HDAC8: variants seen among roughly 807,000 people sequenced by gnomAD.
HDAC8 encodes the protein histone deacetylase-like 1.
In HDAC8, 1 loss-of-function variant was observed where a neutral mutation model predicts 32.2. That is an observed-to-expected ratio of 0.03 (90% CI 0.01 to 0.15). HDAC8 has a LOEUF of 0.15. HDAC8 is among the 10% of genes least tolerant of loss of function. The probability of loss-of-function intolerance (pLI) is 1.00; values close to 1 mark genes in which losing one functional copy is unlikely to be tolerated. For missense variants in HDAC8, 117 were observed against 300.0 expected, an observed-to-expected ratio of 0.39 and a Z score of 4.51; for synonymous variants, 108 against 113.9, an observed-to-expected ratio of 0.95 and a Z score of 0.33.
At chrX:72,339,797 C>T (rs958209976) in intron 10 of HDAC8, among the ~76,000 whole-genome samples, 2 of 112,216 alleles carry the variant, frequency 1.8e-5, no homozygotes, top group Non-Finnish European at 3.8e-5. Flanking sequence ...AATTGCAGTA[C>T]CAAGGGTTCC....
At chrX:72,530,449 T>G (rs1476879935) in intron 4 of HDAC8, among the ~76,000 whole-genome samples, 2 of 109,963 alleles carry the variant, frequency 1.8e-5, no homozygotes, top group Non-Finnish European at 3.8e-5. Context: ...TATGCGTTTT[T>G]TTTTTTTTTT....
At chrX:72,344,219 T>C (rs1397984185) in intron 10 of HDAC8, among the ~76,000 whole-genome samples, 1 of 111,520 alleles carries the variant, frequency 9.0e-6, no homozygotes, top group Non-Finnish European at 1.9e-5. Context: ...TTACTTTTTT[T>C]TTTCCTGACT....
intron 4 of HDAC8, among the ~76,000 whole-genome samples, chrX:72,533,899 TA>T (rs781982105): frequency 1.5e-4 from 17 of 111,283 alleles, no homozygotes; most frequent in Non-Finnish European, 3.2e-4. Context: ...GCTAATATCA[TA>T]CTGCCTGGTG....
At chrX:72,423,467 C>T (rs1049959578) in intron 9 of HDAC8, among the ~76,000 whole-genome samples, 4 of 111,919 alleles carry the variant, frequency 3.6e-5, no homozygotes, top group Non-Finnish European at 5.6e-5. Context: ...GCTCTACCAA[C>T]TTCCTTCTAG....
At chrX:72,414,821 G>A (rs782783720) in intron 9 of HDAC8, among the ~76,000 whole-genome samples, 1 of 111,150 alleles carries the variant, frequency 9.0e-6, no homozygotes, top group Non-Finnish European at 1.9e-5. Context: ...TAAGGCTGTA[G>A]GCTCAATTAT....
At chrX:72,380,960 C>G (rs2045251838) in intron 9 of HDAC8, among the ~76,000 whole-genome samples, 1 of 111,804 alleles carries the variant, frequency 8.9e-6, no homozygotes, top group South Asian at 3.8e-4. Flanking sequence ...TCAATTTGGA[C>G]TAGCCACATT....
Position 72,427,041 on chromosome X carries a change from A to G in HDAC8, c.1005+34963T>C, listed in dbSNP as rs2046660548. On this transcript the variant is annotated intron_variant, in intron 9 of 10. Transcript: ENST00000373573. ...CCTTTATCTGGTACTTCCAGTCTCC[A>G]GAATTGTGAGAAATAAATTTCTGTT... Among the ~76,000 whole-genome samples the G allele has an allele frequency of 3.6e-5, 4 of 110,713 alleles. No individual in the cohort carries two copies. The South Asian group carries it at 1.6e-3, about 45-fold the overall frequency.
intron 6 of HDAC8, chrX:72,489,413 C>G (rs1437962948): frequency 6.3e-6 from 1 of 159,262 alleles, no homozygotes; most frequent in Admixed American, 7.8e-5. Context: ...GAAAAAGAAA[C>G]AGCTTTAATG....
chrX:72,398,670 GT>G (rs2045825626), intron 9 of HDAC8, among the ~76,000 whole-genome samples: 1 of 109,957 alleles, frequency 9.1e-6, no homozygotes, highest in Non-Finnish European at 1.9e-5. Context: ...GTATATAGAA[GT>G]TTGTAGATTC....
chrX:72,453,372 G>A (rs1282154522), intron 9 of HDAC8, among the ~76,000 whole-genome samples: 1 of 108,285 alleles, frequency 9.2e-6, no homozygotes, highest in African/African-American at 3.4e-5. Flanking sequence ...TGGGAGGATC[G>A]CTTGAGCCCA....
At chrX:72,528,893 C>T (rs1478657783) in intron 4 of HDAC8, among the ~76,000 whole-genome samples, 3 of 112,286 alleles carry the variant, frequency 2.7e-5, no homozygotes, top group Non-Finnish European at 3.8e-5. Flanking sequence ...TATCCAAACC[C>T]GTTCTCTTTG....
chrX:72,528,020 C>T (rs2050211986), intron 4 of HDAC8, among the ~76,000 whole-genome samples: 1 of 110,661 alleles, frequency 9.0e-6, no homozygotes, highest in Non-Finnish European at 1.9e-5. Context: ...AGGTGATCCA[C>T]CCACCTCGGC....
chrX:72,466,984 G>C (rs2048034549), intron 7 of HDAC8: 1 of 111,852 alleles, frequency 8.9e-6, no homozygotes, highest in Admixed American at 9.5e-5. Context: ...TCTGCTGCAT[G>C]AGCCCATTCA....
intron 4 of HDAC8, among the ~76,000 whole-genome samples, chrX:72,547,458 A>G (rs1200542549): frequency 3.7e-5 from 4 of 108,611 alleles, no homozygotes; most frequent in Non-Finnish European, 7.6e-5. Context: ...AAGTAATCCC[A>G]TCCATTTTCA....
rs183502422 is a variant in HDAC8 at position 72,468,275 on chromosome X, G to A, written c.738-3544C>T. 2.5e-3 allele frequency among the ~76,000 whole-genome samples: 274 copies of A among 111,399 alleles called. 2 individuals are homozygous for A. Among genetic ancestry groups the A allele is most frequent in the Non-Finnish European group, 4.5e-3 (238 of 53,038 alleles). On this transcript the variant is annotated intron_variant, in intron 7 of 10. Transcript: ENST00000373573. ...CTCTTGCATGTAGGGTCAACGTGAC[G>A]AAGTCAACCCCACAGGGGTTGGCAA...
chrX:72,330,730 A>G (rs2043493963), intron 10 of HDAC8: 1 of 110,616 alleles, frequency 9.0e-6, no homozygotes, highest in Non-Finnish European at 1.9e-5. Context: ...CACTTCCCCA[A>G]GTAGAAACAC....
At chrX:72,402,081 T>A (rs2984300) in intron 9 of HDAC8, among the ~76,000 whole-genome samples, 10,885 of 111,305 alleles carry the variant, frequency 0.098, 1,281 homozygotes, top group African/African-American at 0.34. Context: ...AGTCTTAAGT[T>A]TTGGTATTTA....
chrX:72,391,111 A>G (rs2045601086), intron 9 of HDAC8, among the ~76,000 whole-genome samples: 1 of 112,090 alleles, frequency 8.9e-6, no homozygotes, highest in African/African-American at 3.2e-5. Flanking sequence ...CAGTATCACT[A>G]AAGTTCCTTG....
At chrX:72,462,293 C>T (rs952142890) in intron 8 of HDAC8, 195 bp from the exon 9 acceptor site, 12 of 380,695 alleles carry the variant, frequency 3.2e-5, no homozygotes, top group African/African-American at 5.1e-5. Flanking sequence ...AAATCATGCA[C>T]AGTGTAAAAC....
Sources: allele counts gnomAD v4.1 joint callset (sites outside exome capture counted in the v4.1 genomes callset), GRCh38; gene constraint gnomAD v4.1.1; transcripts MANE v1.5; gene names NCBI Gene and HGNC (gene_info 2026-07-23, HGNC 2026-07-21).